Variants in CTTNBP2NL observed in about 807,000 individuals in gnomAD.
CTTNBP2NL encodes CTTNBP2 N-terminal like.
In CTTNBP2NL, 16 loss-of-function variants were observed where a neutral mutation model predicts 32.5. The observed-to-expected ratio is 0.49, with a 90% CI of 0.33 to 0.75. The LOEUF (loss-of-function observed/expected upper bound fraction) is 0.75. Ranked by LOEUF, CTTNBP2NL falls within the 30% of genes least tolerant of loss-of-function variation. The pLI is 0.02. For synonymous variants in CTTNBP2NL, 298 were observed against 289.4 expected, an observed-to-expected ratio of 1.03 and a Z score of -0.30; for missense variants, 645 against 756.0, an observed-to-expected ratio of 0.85 and a Z score of 1.72.
At chr1:112,435,263 A>G (rs1649698162) in intron 3 of CTTNBP2NL, among the ~76,000 whole-genome samples, 2 of 151,838 alleles carry the variant, frequency 1.3e-5, no homozygotes, top group African/African-American at 4.8e-5. Context: ...GAGAATTTAT[A>G]TATTTGTGCT....
At chr1:112,447,089 A>G (rs1379070309) in intron 3 of CTTNBP2NL, among the ~76,000 whole-genome samples, 2 of 152,018 alleles carry the variant, frequency 1.3e-5, no homozygotes, top group African/African-American at 2.4e-5. Context: ...CCTGGCTAAC[A>G]TGGTGAAACC....
chr1:112,413,056 A>T (rs1455633162), intron 2 of CTTNBP2NL, among the ~76,000 whole-genome samples: 1 of 152,164 alleles, frequency 6.6e-6, no homozygotes. Flanking sequence ...CCTAGGCTGG[A>T]CTGTTTTGTA....
chr1:112,448,331 A>G (rs933378724), intron 3 of CTTNBP2NL, among the ~76,000 whole-genome samples: 2 of 152,248 alleles, frequency 1.3e-5, no homozygotes, highest in Non-Finnish European at 2.9e-5. Context: ...TCATATGTAC[A>G]GGTCACAAGT....
intron 1 of CTTNBP2NL, among the ~76,000 whole-genome samples, chr1:112,406,977 A>G (rs1353451136): frequency 2.6e-5 from 4 of 152,220 alleles, no homozygotes; most frequent in Admixed American, 2.6e-4. Flanking sequence ...CCTTGGCACC[A>G]TTGTAATTTC....
chr1:112,440,917 G>T, intron 3 of CTTNBP2NL, among the ~76,000 whole-genome samples: 1 of 102,474 alleles, frequency 9.8e-6, no homozygotes, highest in East Asian at 2.4e-4. Flanking sequence ...TGTTGTTTTT[G>T]CTGTCATTGT....
chr1:112,452,332 C>CTTTT (rs1295754169), intron 4 of CTTNBP2NL, among the ~76,000 whole-genome samples: 2 of 114,346 alleles, frequency 1.7e-5, no homozygotes, highest in African/African-American at 8.2e-5. Context: ...GCACCAGTCT[C>CTTTT]TTCTTTTTTT....
intron 3 of CTTNBP2NL, among the ~76,000 whole-genome samples, chr1:112,426,015 T>G (rs981497100): frequency 2.8e-5 from 4 of 142,870 alleles, no homozygotes; most frequent in African/African-American, 5.2e-5. Flanking sequence ...CTGTCTGTCT[T>G]ACTACATTGG....
intron 3 of CTTNBP2NL, among the ~76,000 whole-genome samples, chr1:112,434,268 C>T (rs1219824371): frequency 6.6e-6 from 1 of 152,066 alleles, no homozygotes; most frequent in Non-Finnish European, 1.5e-5. Flanking sequence ...ACTTGTGCAC[C>T]TAAATATCCC....
At chr1:112,415,330 A>G (rs1649022374) in intron 2 of CTTNBP2NL, among the ~76,000 whole-genome samples, 1 of 152,236 alleles carries the variant, frequency 6.6e-6, no homozygotes, top group South Asian at 2.1e-4. Context: ...AAAGCAGACA[A>G]TTTAAAAGAA....
intron 3 of CTTNBP2NL, among the ~76,000 whole-genome samples, chr1:112,422,181 C>G (rs1649252261): frequency 6.6e-6 from 1 of 152,164 alleles, no homozygotes; most frequent in African/African-American, 2.4e-5. Context: ...GATCTGCTTT[C>G]TGTCATCAGA....
At chr1:112,451,700 G>A (rs1160849898) in intron 4 of CTTNBP2NL, among the ~76,000 whole-genome samples, 1 of 150,474 alleles carries the variant, frequency 6.6e-6, no homozygotes, top group Non-Finnish European at 1.5e-5. Flanking sequence ...AGCCCAGGAG[G>A]TGGAGGTTGC....
upstream of CTTNBP2NL, among the ~76,000 whole-genome samples, chr1:112,392,709 T>C (rs988513584): frequency 7.2e-5 from 11 of 152,066 alleles, no homozygotes; most frequent in Non-Finnish European, 1.3e-4. Context: ...GAGAAGGCCA[T>C]GTGAAGACGG....
rs1014686481 is a variant in CTTNBP2NL, at chr1:112,460,665, C to T, written c.*3253C>T. 2.0e-5 allele frequency: 3 copies of T among 152,238 alleles called. No individual in the cohort carries two copies. Among genetic ancestry groups the T allele is most frequent in the African/African-American group, 7.2e-5 (3 of 41,460 alleles). 9.4% of individuals were successfully genotyped at this position (152,238 alleles called of 1,614,324 possible). On this transcript the variant is annotated 3_prime_UTR_variant, in exon 6 of 6. Transcript: ENST00000271277. ...TCTCTCATTTTACAAATGATTAATG[C>T]ATCCCTTTTCAACTACTCCAGCGCT...
At chr1:112,426,048 A>G (rs1649388321) in intron 3 of CTTNBP2NL, among the ~76,000 whole-genome samples, 1 of 150,584 alleles carries the variant, frequency 6.6e-6, no homozygotes, top group Admixed American at 6.7e-5. Flanking sequence ...TACAATGTCA[A>G]GTAGAAATGA....
intron 3 of CTTNBP2NL, among the ~76,000 whole-genome samples, chr1:112,447,631 A>G (rs1477151229): frequency 6.6e-6 from 1 of 151,940 alleles, no homozygotes; most frequent in Non-Finnish European, 1.5e-5. Flanking sequence ...GATTTTCAGC[A>G]CTGAAATACT....
At position 112,459,194 on chromosome 1, in the gene CTTNBP2NL, T is replaced by C. The variant is rs1270415457; in HGVS notation, c.*1782T>C. 6.6e-6 allele frequency: 1 copy of C among 152,228 alleles called. No individual in the cohort carries two copies. Among genetic ancestry groups the C allele is most frequent in the African/African-American group, 2.4e-5 (1 of 41,450 alleles). 9.4% of individuals were successfully genotyped at this position (152,228 alleles called of 1,614,324 possible). On this transcript the variant is annotated 3_prime_UTR_variant, in exon 6 of 6. Transcript: ENST00000271277. Reference sequence around the variant, plus strand: ...ACCTCTTTCATTCTAGAAACTTCTGTCATTTTCATCATAGCAAGTCTATGC... The same window carrying C: ...ACCTCTTTCATTCTAGAAACTTCTGCCATTTTCATCATAGCAAGTCTATGC...
At position 112,455,916 on chromosome 1, in the gene CTTNBP2NL, TC is replaced by T; in HGVS notation, c.439-14del. ...ACAGTTTGTCAGTATGTCTCTCTTT[TC>T]TTTTTTTTTCTAGTTGGAATTTGAA... On this transcript the variant is annotated splice_polypyrimidine_tract_variant and intron_variant, in intron 5 of 5. Coordinates refer to ENST00000271277, the MANE Select transcript of CTTNBP2NL (RefSeq NM_018704.3). The T allele has an allele frequency of 6.4e-7, 1 of 1,558,842 alleles. No homozygotes were observed. The highest frequency in any genetic ancestry group is 1.4e-5 in the African/African-American group (1 of 72,708).
intron 3 of CTTNBP2NL, among the ~76,000 whole-genome samples, chr1:112,421,896 C>T (rs185857059): frequency 8.2e-4 from 125 of 152,142 alleles, no homozygotes; most frequent in Middle Eastern, 6.8e-3. Flanking sequence ...CAGAAGCCTT[C>T]GTAGCAGATT....
chr1:112,427,631 C>T (rs1451494364), intron 3 of CTTNBP2NL, among the ~76,000 whole-genome samples: 1 of 152,162 alleles, frequency 6.6e-6, no homozygotes, highest in African/African-American at 2.4e-5. Context: ...TGTGGTGGCT[C>T]ATGCCTATAA....
Sources: gnomAD v4.1 joint callset for allele counts (sites outside exome capture counted in the v4.1 genomes callset) on GRCh38, gnomAD v4.1.1 for gene constraint, MANE v1.5 for transcripts, NCBI Gene and HGNC (gene_info 2026-07-23, HGNC 2026-07-21) for gene names.